MROH1: variants seen among roughly 807,000 people sequenced by gnomAD.
MROH1 encodes the protein maestro heat like repeat family member 1.
MROH1 carries 117 observed loss-of-function variants against 116.5 expected under a neutral mutation model. That is an observed-to-expected ratio of 1.00 (90% CI 0.86 to 1.17). The LOEUF (loss-of-function observed/expected upper bound fraction) is 1.17. Among genes scored for constraint, MROH1 ranks in the 50% most tolerant of loss-of-function variants. MROH1 has a pLI of 0.00. For missense variants in MROH1, 1,873 were observed against 1,338.5 expected, an observed-to-expected ratio of 1.40 and a Z score of -6.23; for synonymous variants, 921 against 583.9, an observed-to-expected ratio of 1.58 and a Z score of -8.32.
At chr8:144,222,045 CTGGGGTGACAACTGCAG>C (rs879855497) in intron 13 of MROH1, among the ~76,000 whole-genome samples, 60,376 of 151,434 alleles carry the variant, frequency 0.4, 14,969 homozygotes, top group East Asian at 0.72. Context: ...CCTAGGATTG[CTGGGGTGACAACTGCAG>C]ATTCAGGGAC....
Position 144,255,648 on chromosome 8 carries a change from C to T in MROH1, c.3734C>T (p.Ala1245Val), listed in dbSNP as rs1843600922. 44 of 770,426 alleles carry T rather than the reference C, an allele frequency of 5.7e-5. No individual in the cohort carries two copies. The highest frequency in any genetic ancestry group is 5.2e-4 in the South Asian group (38 of 72,714). 47.7% of individuals were successfully genotyped at this position (770,426 alleles called of 1,614,324 possible). A position where few individuals can be genotyped will look rare whatever the true frequency, so the allele number is the denominator to read the frequency against. Reference protein sequence around the residue: ...VGVQLPRNLQAQERRGASPAL... With the variant: ...VGVQLPRNLQVQERRGASPAL... ...GTCCAGCTGCCCCGGAACCTGCAGG[C>T]CCAGGAAAGGAGGGGTGCCAGTCCA... The change falls in exon 35 of 44, where the codon GCC becomes GTC. Residue 1245 changes from alanine to valine, a missense_variant. By Grantham distance (64) the Ala-to-Val change is moderately conservative. Transcript: ENST00000326134.
rs1288782203 is a variant in MROH1, at chr8:144,239,016, A to G, written c.1447-19A>G. On this transcript the variant is annotated intron_variant, in intron 15 of 43. Transcript: ENST00000326134. ...ACCGCCCTCTGGGCGGATGCAGACC[A>G]GGCCCTCTGCTCCCCTAGGTCCTCT... The G allele has an allele frequency of 3.9e-6, 3 of 776,938 alleles. No homozygotes were observed. The highest frequency in any genetic ancestry group is 2.4e-5 in the East Asian group (1 of 41,264). The allele number at this position is 776,938 out of a possible 1,614,324, so 48.1% of individuals were successfully genotyped here. A position where few individuals can be genotyped will look rare whatever the true frequency, so the allele number is the denominator to read the frequency against.
chr8:144,216,799 C>T (rs1588249956), intron 12 of MROH1, among the ~76,000 whole-genome samples: 1 of 151,634 alleles, frequency 6.6e-6, no homozygotes. Context: ...AAGCGATTCT[C>T]CTGCCTCAGC....
At position 144,241,479 on chromosome 8, in the gene MROH1, G is replaced by A; in HGVS notation, c.2140G>A (p.Val714Ile). The A allele has an allele frequency of 2.6e-6, 2 of 778,724 alleles. No homozygotes were observed. The highest frequency in any genetic ancestry group is 1.3e-5 in the South Asian group (1 of 74,536). 48.2% of individuals were successfully genotyped at this position (778,724 alleles called of 1,614,324 possible). Reference protein sequence around the residue: ...AQLEDFVRSEVFRKSIGILNI... With the variant: ...AQLEDFVRSEIFRKSIGILNI... ...GCTGGAGGACTTCGTGAGGTCAGAGGTCTTCAGAAAATCCATTGGCATTCT... is the reference window on the plus strand; with the variant it reads ...GCTGGAGGACTTCGTGAGGTCAGAGATCTTCAGAAAATCCATTGGCATTCT... Residue 714 changes from valine to isoleucine, a missense_variant, in exon 22 of 44, where the codon GTC becomes ATC. Coordinates refer to ENST00000326134, the MANE Select transcript of MROH1 (RefSeq NM_032450.3).
intron 1 of MROH1, among the ~76,000 whole-genome samples, chr8:144,155,194 G>A (rs1002296987): frequency 6.6e-5 from 10 of 151,882 alleles, no homozygotes; most frequent in Non-Finnish European, 1.2e-4. Context: ...CAGTTAATGC[G>A]CCTGCTTCAG....
At position 144,152,799 on chromosome 8, in the gene MROH1, G is replaced by A. The variant is rs964983122; in HGVS notation, c.-177+4723G>A. 5.3e-3 allele frequency among the ~76,000 whole-genome samples: 799 copies of A among 152,056 alleles called. 11 individuals carry two copies. Among genetic ancestry groups the A allele is most frequent in the Middle Eastern group, 0.017 (5 of 294 alleles). On this transcript the variant is annotated intron_variant, in intron 1 of 43. Transcript: ENST00000326134. The stretch of plus-strand genomic sequence containing the variant: ...CCTGACCTTGTGATCTGCCCACCTC[G>A]GCCTCCCAAAGTTCTGGGATTACAG...
At position 144,168,327 on chromosome 8, in the gene MROH1, G is replaced by A. The variant is rs367995054; in HGVS notation, c.55G>A (p.Asp19Asn). The A allele has an allele frequency of 2.9e-5, 47 of 1,608,916 alleles. No homozygotes were observed. The highest frequency in any genetic ancestry group is 1.9e-4 in the African/African-American group (14 of 74,884). Residue 19 changes from aspartate (D) to asparagine (N), a missense_variant, in exon 4 of 44, where the codon GAT becomes AAT. By Grantham distance (23) the Asp-to-Asn change is conservative. Coordinates refer to ENST00000326134, the MANE Select transcript of MROH1 (RefSeq NM_032450.3). ...LASTLLDAIT[D>N]KDPLVQEQVC... Reference sequence around the variant, plus strand: ...CTCCACCCTGCTGGACGCCATCACCGATAAGGACCCCCTGGTGCAGGAGCA... The same window carrying A: ...CTCCACCCTGCTGGACGCCATCACCAATAAGGACCCCCTGGTGCAGGAGCA...
intron 7 of MROH1, among the ~76,000 whole-genome samples, chr8:144,186,818 C>A (rs557525584): frequency 6.6e-6 from 1 of 152,232 alleles, no homozygotes; most frequent in Non-Finnish European, 1.5e-5. Context: ...CTAGGCCGGG[C>A]GCGGTGGCTC....
intron 36 of MROH1, 125 bp downstream of exon 36, chr8:144,259,039 CTGTTCA>C: frequency 3.1e-6 from 2 of 643,114 alleles, no homozygotes; most frequent in Non-Finnish European, 5.7e-6. Flanking sequence ...GGGCTCCTGC[CTGTTCA>C]CTCTCTGGGG....
At chr8:144,210,968 C>T (rs1213098111) in intron 12 of MROH1, among the ~76,000 whole-genome samples, 4 of 152,254 alleles carry the variant, frequency 2.6e-5, no homozygotes, top group South Asian at 2.1e-4. Context: ...ACTGAAACTC[C>T]GTGCCTGTGA....
chr8:144,207,631 G>C (rs1833133011), intron 12 of MROH1, among the ~76,000 whole-genome samples: 1 of 152,046 alleles, frequency 6.6e-6, no homozygotes, highest in Non-Finnish European at 1.5e-5. Context: ...CCAGCCTCCA[G>C]AGTAGCCTGG....
intron 4 of MROH1, among the ~76,000 whole-genome samples, chr8:144,173,184 A>G (rs888181976): frequency 1.2e-4 from 18 of 149,128 alleles, no homozygotes; most frequent in Non-Finnish European, 2.2e-4. Flanking sequence ...GCTCACTGCA[A>G]CCTCTACCTC....
chr8:144,248,069 A>C (rs1366405296), intron 31 of MROH1, among the ~76,000 whole-genome samples: 1 of 152,166 alleles, frequency 6.6e-6, no homozygotes, highest in African/African-American at 2.4e-5. Flanking sequence ...CCCAGAGGCT[A>C]CCCAAGAGCC....
chr8:144,249,261 T>C (rs1284381550), intron 32 of MROH1, among the ~76,000 whole-genome samples: 2 of 152,190 alleles, frequency 1.3e-5, no homozygotes, highest in African/African-American at 4.8e-5. Context: ...CTTTCTCTTA[T>C]GTCTGAAGAC....
At chr8:144,167,272 TGG>T in intron 3 of MROH1, among the ~76,000 whole-genome samples, 1 of 53,442 alleles carries the variant, frequency 1.9e-5, no homozygotes, top group African/African-American at 8.6e-5. Flanking sequence ...GGCCGGTTGT[TGG>T]GTGGAGTGGC....
chr8:144,168,922 G>C (rs1396913212), intron 4 of MROH1, among the ~76,000 whole-genome samples: 1 of 152,204 alleles, frequency 6.6e-6, no homozygotes, highest in Non-Finnish European at 1.5e-5. Flanking sequence ...TTGCCTTGCT[G>C]TGCTGGAATG....
At chr8:144,162,070 T>C (rs543530011) in intron 2 of MROH1, among the ~76,000 whole-genome samples, 2 of 151,766 alleles carry the variant, frequency 1.3e-5, no homozygotes, top group East Asian at 3.9e-4. Context: ...AATATGTTTT[T>C]TTGTTTTTCT....
intron 1 of MROH1, among the ~76,000 whole-genome samples, chr8:144,153,135 G>A (rs1243377383): frequency 1.3e-5 from 2 of 151,772 alleles, no homozygotes; most frequent in Non-Finnish European, 2.9e-5. Context: ...TTCTGTTCCT[G>A]GCTTATTTTA....
intron 12 of MROH1, among the ~76,000 whole-genome samples, chr8:144,207,147 T>C (rs1384047132): frequency 6.6e-6 from 1 of 150,700 alleles, no homozygotes; most frequent in Non-Finnish European, 1.5e-5. Context: ...TGCGTATATA[T>C]GTTGAAGTTC....
Sources: gnomAD v4.1 joint callset for allele counts (sites outside exome capture counted in the v4.1 genomes callset) on GRCh38, gnomAD v4.1.1 for gene constraint, MANE v1.5 for transcripts, NCBI Gene and HGNC (gene_info 2026-07-23, HGNC 2026-07-21) for gene names.